The following CSDE1 variants were observed in gnomAD, a reference collection of about 807,000 sequenced individuals.
The protein encoded by CSDE1 is cold shock domain containing E1, also known as cold shock domain-containing protein E1.
A neutral mutation model predicts 89.3 loss-of-function variants in CSDE1; 17 were observed. That is an observed-to-expected ratio of 0.19 (90% CI 0.13 to 0.29). The LOEUF (loss-of-function observed/expected upper bound fraction) is 0.29, where lower values mean the gene tolerates loss of function less well. CSDE1 is among the 10% of genes least tolerant of loss of function. The pLI is 1.00. For synonymous variants in CSDE1, 322 were observed against 332.8 expected (o/e 0.97, Z 0.35); for missense variants, 672 against 984.2 (o/e 0.68, Z 4.24).
chr1:114,724,505 G>GT (rs1659693335), intron 15 of CSDE1, among the ~76,000 whole-genome samples: 1 of 152,284 alleles, frequency 6.6e-6, no homozygotes, highest in East Asian at 1.9e-4. Context: ...CTTCACTGCT[G>GT]TATCCCCAGT....
intron 2 of CSDE1, among the ~76,000 whole-genome samples, chr1:114,746,253 T>C (rs967743332): frequency 1.3e-5 from 2 of 152,216 alleles, no homozygotes; most frequent in Non-Finnish European, 2.9e-5. Flanking sequence ...ATTCTTAATG[T>C]ACCCGACCAA....
chr1:114,735,350 G>GT (rs1461798007), intron 6 of CSDE1, among the ~76,000 whole-genome samples: 1 of 152,112 alleles, frequency 6.6e-6, no homozygotes. Context: ...TTAAAAAAAT[G>GT]TTACAGACTA....
At chr1:114,726,113 C>T (rs968831225) in intron 14 of CSDE1, 98 bp downstream of exon 14, 20 of 1,215,442 alleles carry the variant, frequency 1.6e-5, no homozygotes, top group Non-Finnish European at 2.3e-5. Flanking sequence ...AAATCTGAAC[C>T]TCAACAAGTA....
chr1:114,737,391 T>C (rs1653009572), intron 5 of CSDE1, 80 bp downstream of exon 5: 2 of 1,164,492 alleles, frequency 1.7e-6, no homozygotes, highest in Admixed American at 4.3e-5. Flanking sequence ...CAGCTTACGT[T>C]TTCTATTTTG....
chr1:114,734,567 T>C (rs1660290198), intron 6 of CSDE1, 44 bp from the exon 7 acceptor site: 1 of 1,499,192 alleles, frequency 6.7e-7, no homozygotes, highest in Non-Finnish European at 9.2e-7. Context: ...AAACAGGGAT[T>C]AAAAATGTAT....
At chr1:114,730,715 C>A (rs1660051615) in intron 10 of CSDE1, 67 bp from the exon 11 acceptor site, 7 of 1,568,036 alleles carry the variant, frequency 4.5e-6, no homozygotes, top group Non-Finnish European at 6.1e-6. Context: ...AACTTTACAA[C>A]CACCATCAAG....
chr1:114,736,898 T>C, intron 5 of CSDE1, 43 bp from the exon 6 acceptor site: 4 of 1,416,716 alleles, frequency 2.8e-6, no homozygotes, highest in Non-Finnish European at 4.0e-6. Context: ...GCAGGATGCA[T>C]ATTCACTGTA....
chr1:114,730,138 A>T, intron 12 of CSDE1, 120 bp downstream of exon 12: 1 of 1,142,848 alleles, frequency 8.8e-7, no homozygotes, highest in Non-Finnish European at 1.2e-6. Flanking sequence ...CACTGTTAAT[A>T]TGACAGAAAT....
intron 2 of CSDE1, among the ~76,000 whole-genome samples, chr1:114,745,781 A>C (rs1660978900): frequency 6.6e-6 from 1 of 152,226 alleles, no homozygotes; most frequent in South Asian, 2.1e-4. Flanking sequence ...GCAGAAATGG[A>C]ACAAATCTCA....
chr1:114,718,127 A>G lies in CSDE1; in HGVS notation c.*42T>C, dbSNP rs1322585894. On this transcript the variant is annotated 3_prime_UTR_variant, in exon 20 of 20. Transcript: ENST00000358528. Reference sequence around the variant, plus strand: ...CAGAACCCTTCACCAGATTCCCCCCAACTTGATCATAGTGGATTAATGGTG... The same window carrying G: ...CAGAACCCTTCACCAGATTCCCCCCGACTTGATCATAGTGGATTAATGGTG... 6.2e-7 allele frequency: 1 copy of G among 1,609,476 alleles called. No homozygotes were observed. The highest frequency in any genetic ancestry group is 1.3e-5 in the African/African-American group (1 of 74,920).
At chr1:114,718,522 A>G (rs1359659593) in intron 19 of CSDE1, 91 bp downstream of exon 19, 6 of 1,506,348 alleles carry the variant, frequency 4.0e-6, no homozygotes, top group Non-Finnish European at 5.4e-6. Flanking sequence ...TCCCTGCTTC[A>G]TTAAGTTTCC....
chr1:114,748,997 C>T lies in CSDE1; in HGVS notation c.-1+824G>A, dbSNP rs557080159. 1.4e-4 allele frequency among the ~76,000 whole-genome samples: 22 copies of T among 152,276 alleles called. No homozygotes were observed. In the East Asian group the frequency reaches 3.3e-3, roughly 23 times the overall value. ...GCAAACTTCCCTTTCATAACTCTCC[C>T]GCAAAATTATATTCTCTACTCTGTT... On this transcript the variant is annotated intron_variant, in intron 2 of 19. Transcript: ENST00000358528.
At chr1:114,739,049 TGAGACGG>T (rs1250056161) in intron 3 of CSDE1, among the ~76,000 whole-genome samples, 1 of 151,784 alleles carries the variant, frequency 6.6e-6, no homozygotes, top group Non-Finnish European at 1.5e-5. Context: ...TTTTTTTTTT[TGAGACGG>T]GGTCTCGCTC....
intron 7 of CSDE1, 122 bp from the exon 8 acceptor site, chr1:114,734,239 CTAA>C: frequency 8.0e-7 from 1 of 1,246,084 alleles, no homozygotes; most frequent in East Asian, 2.5e-5. Context: ...TTGGTACAAC[CTAA>C]TATTATCAAT....
In CSDE1 at chr1:114,723,877, C is replaced by G; in HGVS notation, c.1873+6G>C. The stretch of plus-strand genomic sequence containing the variant: ...TTTCAAACAGCCTGATAGTGATGAT[C>G]CTTACCCTCCTCCACAATCTCAATC... On this transcript the variant is annotated splice_donor_region_variant and intron_variant, in intron 16 of 19. Coordinates refer to ENST00000358528, the MANE Select transcript of CSDE1 (RefSeq NM_001007553.3). 6.2e-7 allele frequency: 1 copy of G among 1,613,812 alleles called. No individual in the cohort carries two copies. Among genetic ancestry groups the G allele is most frequent in the Non-Finnish European group, 8.5e-7 (1 of 1,179,806 alleles).
chr1:114,756,834 C>T (rs1212337794), intron 1 of CSDE1: 1 of 152,244 alleles, frequency 6.6e-6, no homozygotes, highest in Non-Finnish European at 1.5e-5. Flanking sequence ...GCGTTCTCTG[C>T]TTCACCTGTG....
chr1:114,726,561 C>T (rs1347755371), intron 13 of CSDE1, among the ~76,000 whole-genome samples, 175 bp from the exon 14 acceptor site: 1 of 152,186 alleles, frequency 6.6e-6, no homozygotes, highest in Non-Finnish European at 1.5e-5. Context: ...CCACTTTTCA[C>T]AAAGGATCAA....
At chr1:114,757,630 G>A (rs886854627) in intron 1 of CSDE1, among the ~76,000 whole-genome samples, 4 of 151,926 alleles carry the variant, frequency 2.6e-5, no homozygotes, top group African/African-American at 9.7e-5. Flanking sequence ...GGCTGCTGTC[G>A]GAGCCTCCAT....
intron 1 of CSDE1, among the ~76,000 whole-genome samples, chr1:114,753,349 T>C (rs933897100): frequency 6.6e-6 from 1 of 152,232 alleles, no homozygotes; most frequent in African/African-American, 2.4e-5. Flanking sequence ...TTAGGAGCTA[T>C]TAAAGCTCAA....
Sources: allele counts gnomAD v4.1 joint callset (sites outside exome capture counted in the v4.1 genomes callset), GRCh38; gene constraint gnomAD v4.1.1; transcripts MANE v1.5; gene names NCBI Gene and HGNC (gene_info 2026-07-23, HGNC 2026-07-21).